USP9X: variants seen among roughly 807,000 people sequenced by gnomAD.
The protein encoded by USP9X is ubiquitin specific peptidase 9 X-linked.
In USP9X, 7 loss-of-function variants were observed where a neutral mutation model predicts 190.3. The ratio of observed to expected loss-of-function variants is 0.04; its 90% CI spans 0.02 to 0.07. The LOEUF is 0.07. Ranked by LOEUF, USP9X falls within the 10% of genes least tolerant of loss-of-function variation. The pLI is 1.00. For missense variants in USP9X, 1,010 were observed against 1,916.9 expected, an observed-to-expected ratio of 0.53 and a Z score of 8.83; for synonymous variants, 645 against 659.5, an observed-to-expected ratio of 0.98 and a Z score of 0.34.
At position 41,218,390 on chromosome X, in the gene USP9X, T is replaced by A. The variant is rs2063231734; in HGVS notation, c.6228T>A (p.Ile2076=). The part of the protein sequence containing the change: ...SASDWYDALC[I]LLRHSKNVRF... ...ATTTTAGGTATGATGCATTGTGTAT[T>A]CTCCTTCGTCACAGCAAGAATGTAC... is the stretch of plus-strand genomic sequence containing the variant. Residue 2076 remains isoleucine (I), a synonymous_variant, in exon 37 of 45, where the codon ATT becomes ATA. Coordinates refer to ENST00000378308, the MANE Select transcript of USP9X (RefSeq NM_001039591.3). 4 of 1,211,581 alleles carry A rather than the reference T, an allele frequency of 3.3e-6. No individual in the cohort carries two copies. In the African/African-American group the frequency reaches 5.2e-5, roughly 16 times the overall value.
chrX:41,181,435 C>CCTTTTT (rs1194811241), intron 21 of USP9X, among the ~76,000 whole-genome samples: 8 of 38,572 alleles, frequency 2.1e-4, no homozygotes, highest in Non-Finnish European at 4.3e-4. Flanking sequence ...CCACACCTGA[C>CCTTTTT]TTTTTTTTTT....
At chrX:41,168,378 C>T in intron 18 of USP9X, 160 bp downstream of exon 18, 2 of 429,655 alleles carry the variant, frequency 4.7e-6, no homozygotes, top group Non-Finnish European at 7.3e-6. Flanking sequence ...TAACCTCCCC[C>T]ACTCTCCCAT....
chrX:41,086,266 C>T (rs897044614), intron 1 of USP9X, among the ~76,000 whole-genome samples, 157 bp downstream of exon 1: 1 of 111,251 alleles, frequency 9.0e-6, no homozygotes, highest in African/African-American at 3.3e-5. Flanking sequence ...CTCCTCCGGC[C>T]CGGGCTGGGC....
intron 31 of USP9X, among the ~76,000 whole-genome samples, chrX:41,204,349 G>A (rs1158050116): frequency 4.5e-5 from 5 of 109,945 alleles, no homozygotes; most frequent in South Asian, 3.8e-4. Context: ...TTTGTTGCCT[G>A]TACCTCTGAT....
Position 41,232,373 on chromosome X carries a change from T to A in USP9X, c.7528-14T>A, listed in dbSNP as rs2063368594. On this transcript the variant is annotated splice_polypyrimidine_tract_variant and intron_variant, in intron 44 of 44. Transcript: ENST00000378308. ...TGAAAAGTTTTAACATACAGATCTT[T>A]TCTCCTTTCCCAGAATAACCATGTG... 12 of 1,202,229 alleles carry A rather than the reference T, an allele frequency of 1.0e-5. No homozygotes were observed. Among genetic ancestry groups the A allele is most frequent in the Non-Finnish European group, 1.3e-5 (12 of 890,971 alleles).
At chrX:41,119,728 G>A (rs2062175933) in intron 1 of USP9X, among the ~76,000 whole-genome samples, 1 of 112,876 alleles carries the variant, frequency 8.9e-6, no homozygotes, top group South Asian at 3.6e-4. Context: ...TACTCGGGAG[G>A]CTGAGGCAGG....
At position 41,197,350 on chromosome X, in the gene USP9X, C is replaced by G. The variant is rs755910923; in HGVS notation, c.4234-14C>G. 4 of 921,790 alleles carry G rather than the reference C, an allele frequency of 4.3e-6. No homozygotes were observed. Among genetic ancestry groups the G allele is most frequent in the Admixed American group, 7.6e-5 (2 of 26,165 alleles). 76.0% of individuals were successfully genotyped at this position (921,790 alleles called of 1,213,427 possible). On this transcript the variant is annotated splice_polypyrimidine_tract_variant and intron_variant, in intron 28 of 44. Coordinates refer to ENST00000378308, the MANE Select transcript of USP9X (RefSeq NM_001039591.3). ...ATTTCTTCCCCCCCCCACCCCACCC[C>G]CCGCCTTTGGCAGGATGATGTTAAA...
chrX:41,125,643 AACACAC>A lies in USP9X; in HGVS notation c.96+1956_96+1961del, dbSNP rs748348083. On this transcript the variant is annotated intron_variant, in intron 2 of 44. Transcript: ENST00000378308. ...TCCCTCCCCCCACACCCCTCCCGCC[AACACAC>A]ACACACACACACACACACACACACA... 2.0e-3 allele frequency among the ~76,000 whole-genome samples: 55 copies of A among 27,695 alleles called. 1 individual carries two copies. Among genetic ancestry groups the A allele is most frequent in the South Asian group, 0.011 (4 of 358 alleles). 24.0% of individuals were successfully genotyped at this position (27,695 alleles called of 115,157 possible).
In USP9X at chrX:41,107,038, C is replaced by T. The variant is rs2062075426; in HGVS notation, c.-158-16433C>T. Among the ~76,000 whole-genome samples, 3 of 108,861 alleles carry T rather than the reference C, an allele frequency of 2.8e-5. No homozygotes were observed. In the South Asian group the frequency reaches 1.2e-3, roughly 43 times the overall value. The allele number at this position is 108,861 out of a possible 115,157, so 94.5% of individuals were successfully genotyped here. A position where few individuals can be genotyped will look rare whatever the true frequency, so the allele number is the denominator to read the frequency against. ...AGCAGCTGAGATTACAGGCGCCCGCCACCATGCCTGGTTAAGTTTTGTATT... is the reference window on the plus strand; with the variant it reads ...AGCAGCTGAGATTACAGGCGCCCGCTACCATGCCTGGTTAAGTTTTGTATT... On this transcript the variant is annotated intron_variant, in intron 1 of 44. Coordinates refer to ENST00000378308, the MANE Select transcript of USP9X (RefSeq NM_001039591.3).
At position 41,179,706 on chromosome X, in the gene USP9X, GT is replaced by G. The variant is rs1421888473; in HGVS notation, c.3149-4290del. ...AATGAGAAATCTGAAACCTGAGGGA[GT>G]TGGAAAGGCTTCTTAATCAGTCTTC... On this transcript the variant is annotated intron_variant, in intron 21 of 44. Coordinates refer to ENST00000378308, the MANE Select transcript of USP9X (RefSeq NM_001039591.3). 1.2e-4 allele frequency among the ~76,000 whole-genome samples: 13 copies of G among 112,022 alleles called. No individual in the cohort carries two copies. The South Asian group carries it at 4.8e-3, about 41-fold the overall frequency.
chrX:41,110,368 T>C (rs1171312232), intron 1 of USP9X, among the ~76,000 whole-genome samples: 1 of 112,796 alleles, frequency 8.9e-6, no homozygotes, highest in Non-Finnish European at 1.9e-5. Context: ...AAAATCCAAT[T>C]TTGTAAAACA....
At position 41,141,120 on chromosome X, in the gene USP9X, A is replaced by G. The variant is rs2062418988; in HGVS notation, c.925A>G (p.Met309Val). 1 of 1,204,674 alleles carries G rather than the reference A, an allele frequency of 8.3e-7. No individual in the cohort carries two copies. Among genetic ancestry groups the G allele is most frequent in the Non-Finnish European group, 1.1e-6 (1 of 892,032 alleles). ...KNEAKNDALSMIIKSLKNLAS... is the reference protein window; with the variant it reads ...KNEAKNDALSVIIKSLKNLAS... The stretch of plus-strand genomic sequence containing the variant: ...TGAAGCCAAAAATGATGCTCTTTCA[A>G]TGATTATTAAATCTTTGAAGAATTT... Residue 309 changes from methionine (M) to valine (V), a missense_variant, in exon 8 of 45, where the codon ATG (methionine) becomes GTG (valine). Coordinates refer to ENST00000378308, the MANE Select transcript of USP9X (RefSeq NM_001039591.3).
intron 31 of USP9X, among the ~76,000 whole-genome samples, 163 bp downstream of exon 31, chrX:41,201,443 G>A (rs1401961713): frequency 1.8e-5 from 2 of 111,883 alleles, no homozygotes; most frequent in Non-Finnish European, 3.8e-5. Context: ...TCAGGAAACT[G>A]AGGCAGGAGG....
At position 41,232,892 on chromosome X, in the gene USP9X, T is replaced by C. The variant is rs997809085; in HGVS notation, c.*368T>C. On this transcript the variant is annotated 3_prime_UTR_variant, in exon 45 of 45. Coordinates refer to ENST00000378308, the MANE Select transcript of USP9X (RefSeq NM_001039591.3). ...ACCCACTGCACTCTGCAACCAGTGT[T>C]GCCTGCCTCATGGCAGTTGGATCAG... 4 of 115,634 alleles carry C rather than the reference T, an allele frequency of 3.5e-5. No homozygotes were observed. The highest frequency in any genetic ancestry group is 1.3e-4 in the African/African-American group (4 of 30,731). 9.5% of individuals were successfully genotyped at this position (115,634 alleles called of 1,213,427 possible).
At chrX:41,227,494 ATG>A (rs1294563621) in intron 41 of USP9X, among the ~76,000 whole-genome samples, 3 of 111,942 alleles carry the variant, frequency 2.7e-5, no homozygotes, top group African/African-American at 9.7e-5. Context: ...AATGCATTTG[ATG>A]GAGGAAAAAA....
At position 41,179,071 on chromosome X, in the gene USP9X, G is replaced by C. The variant is rs925213613; in HGVS notation, c.3149-4927G>C. ...GTTCTCTATTCTGTTCAATTGATCT[G>C]TGTCTATTTTTGTGTCAATACCATG... On this transcript the variant is annotated intron_variant, in intron 21 of 44. Transcript: ENST00000378308. Among the ~76,000 whole-genome samples, 20 of 111,467 alleles carry C rather than the reference G, an allele frequency of 1.8e-4. 1 individual carries two copies. In the Admixed American group the frequency reaches 1.8e-3, roughly 10 times the overall value.
At chrX:41,206,080 C>T (rs1435961358) in intron 32 of USP9X, among the ~76,000 whole-genome samples, 4 of 109,190 alleles carry the variant, frequency 3.7e-5, no homozygotes, top group South Asian at 3.9e-4. Flanking sequence ...TTAGTGGAGA[C>T]GGGGTTTTAC....
At chrX:41,124,456 A>T (rs768002135) in intron 2 of USP9X, among the ~76,000 whole-genome samples, 1 of 111,754 alleles carries the variant, frequency 8.9e-6, no homozygotes, top group Non-Finnish European at 1.9e-5. Flanking sequence ...AAAAAAAAGA[A>T]AAGTGAACAT....
intron 21 of USP9X, among the ~76,000 whole-genome samples, chrX:41,172,451 C>T (rs1029089621): frequency 2.7e-5 from 3 of 111,874 alleles, no homozygotes; most frequent in African/African-American, 9.8e-5. Flanking sequence ...TCCAACTTCT[C>T]GCTTTTACTT....
Sources: allele counts gnomAD v4.1 joint callset (sites outside exome capture counted in the v4.1 genomes callset), GRCh38; gene constraint gnomAD v4.1.1; transcripts MANE v1.5; gene names NCBI Gene and HGNC (gene_info 2026-07-23, HGNC 2026-07-21).